Variants in HSP90AA1 observed in about 807,000 individuals in gnomAD.
HSP90AA1 encodes heat shock protein 90 alpha family class A member 1.
Under a neutral mutation model 73.3 loss-of-function variants are expected in HSP90AA1, and 18 were observed. The ratio of observed to expected loss-of-function variants is 0.25; its 90% CI spans 0.17 to 0.36. The LOEUF (loss-of-function observed/expected upper bound fraction) is 0.36. Among genes scored for constraint, HSP90AA1 ranks in the 10% least tolerant of loss-of-function variants. The pLI is 1.00. For synonymous variants in HSP90AA1, 477 were observed against 296.9 expected, an observed-to-expected ratio of 1.61 and a Z score of -6.24; for missense variants, 704 against 874.2, an observed-to-expected ratio of 0.81 and a Z score of 2.45.
At chr14:102,107,899 G>C (rs964959061) in intron 1 of HSP90AA1, among the ~76,000 whole-genome samples, 5 of 151,758 alleles carry the variant, frequency 3.3e-5, no homozygotes, top group African/African-American at 1.2e-4. Flanking sequence ...GTGTATAAAG[G>C]CTTCTGGTTT....
chr14:102,099,461 G>A (rs2049466057), intron 2 of HSP90AA1, among the ~76,000 whole-genome samples: 1 of 152,192 alleles, frequency 6.6e-6, no homozygotes, highest in South Asian at 2.1e-4. Flanking sequence ...GGGAGGCTGA[G>A]GCAGGAGAAT....
At chr14:102,090,492 C>T (rs1484914717), upstream of HSP90AA1, among the ~76,000 whole-genome samples, 1 of 151,372 alleles carries the variant, frequency 6.6e-6, no homozygotes, top group East Asian at 1.9e-4. Flanking sequence ...CTCTGTCGCC[C>T]AGGCTGGAGT....
At chr14:102,099,827 G>C (rs1185398393) in intron 2 of HSP90AA1, among the ~76,000 whole-genome samples, 1 of 152,044 alleles carries the variant, frequency 6.6e-6, no homozygotes, top group Non-Finnish European at 1.5e-5. Context: ...CGTTCTCACA[G>C]GGACCCTGGG....
At chr14:102,083,331 CT>C (rs376513594) in intron 8 of HSP90AA1, 29 bp from the exon 9 acceptor site, 14 of 1,612,444 alleles carry the variant, frequency 8.7e-6, no homozygotes, top group Non-Finnish European at 1.2e-5. Flanking sequence ...ACTTTTAGAC[CT>C]TTTAACAGTT....
intron 8 of HSP90AA1, 76 bp downstream of exon 8, chr14:102,083,470 T>C (rs1310062932): frequency 1.2e-5 from 17 of 1,474,578 alleles, no homozygotes; most frequent in South Asian, 1.1e-4. Context: ...CAGTGCTACC[T>C]GAGTAGAAAA....
chr14:102,085,447 G>T lies in HSP90AA1; in HGVS notation c.530-16C>A. On this transcript the variant is annotated splice_polypyrimidine_tract_variant and intron_variant, in intron 3 of 10. Transcript: ENST00000216281. ...ATAGGTTCACCTGCAAGAGAAGAAA[G>T]AAAAATTGACTTAATACATTCAATT... is the stretch of plus-strand genomic sequence containing the variant. 6.6e-7 allele frequency: 1 copy of T among 1,505,926 alleles called. No individual in the cohort carries two copies. 93.3% of individuals were successfully genotyped at this position (1,505,926 alleles called of 1,614,324 possible).
rs149051840 is a variant in HSP90AA1 at position 102,081,481 on chromosome 14, A to C, written c.*231T>G. 1.4e-5 allele frequency: 8 copies of C among 586,130 alleles called. No homozygotes were observed. Among genetic ancestry groups the C allele is most frequent in the Admixed American group, 6.0e-5 (2 of 33,494 alleles). The allele number at this position is 586,130 out of a possible 1,614,324, so 36.3% of individuals were successfully genotyped here. A position where few individuals can be genotyped will look rare whatever the true frequency, so the allele number is the denominator to read the frequency against. ...TACGTCTTACAGTGCACGTTACCCC[A>C]ATCTGTGAAAATAAACCAACATGAA... On this transcript the variant is annotated 3_prime_UTR_variant, in exon 11 of 11. Coordinates refer to ENST00000216281, the MANE Select transcript of HSP90AA1 (RefSeq NM_005348.4).
At chr14:102,082,738 AG>A in intron 9 of HSP90AA1, 2 of 502,350 alleles carry the variant, frequency 4.0e-6, no homozygotes, top group Non-Finnish European at 7.2e-6. Flanking sequence ...CTCCTGCCTC[AG>A]CCTCCCAAGT....
intron 1 of HSP90AA1, among the ~76,000 whole-genome samples, chr14:102,117,485 C>T (rs2049721761): frequency 6.6e-6 from 1 of 152,118 alleles, no homozygotes; most frequent in African/African-American, 2.4e-5. Flanking sequence ...AGCTACCCTC[C>T]ACGCTAGGAG....
chr14:102,129,596 G>A (rs901118042), intron 1 of HSP90AA1, among the ~76,000 whole-genome samples: 8 of 151,204 alleles, frequency 5.3e-5, no homozygotes, highest in East Asian at 2.0e-4. Flanking sequence ...TCCGCCTCCC[G>A]GGTTCAAGCA....
chr14:102,084,768 G>A lies in HSP90AA1; in HGVS notation c.894C>T (p.Thr298=), dbSNP rs141494680. The A allele has an allele frequency of 8.1e-6, 13 of 1,613,960 alleles. No homozygotes were observed. The highest frequency in any genetic ancestry group is 1.3e-5 in the African/African-American group (1 of 74,892). ...CATTAGTAATATCGTCGGGATTTCTGGTCCAGATGGGCTTTGTTTTGTTGA... is the reference window on the plus strand; with the variant it reads ...CATTAGTAATATCGTCGGGATTTCTAGTCCAGATGGGCTTTGTTTTGTTGA... ...EELNKTKPIW[T]RNPDDITNEE... Residue 298 remains threonine, a synonymous_variant, in exon 5 of 11, where the codon ACC becomes ACT. Coordinates refer to ENST00000216281, the MANE Select transcript of HSP90AA1 (RefSeq NM_005348.4).
chr14:102,139,287 T>C, exon 1 of HSP90AA1: 1 of 1,614,058 alleles, frequency 6.2e-7, no homozygotes, highest in Non-Finnish European at 8.5e-7. Flanking sequence ...TCAGAGGGGC[T>C]TCCTGGGCGG....
At chr14:102,126,824 G>A (rs1488445338) in intron 1 of HSP90AA1, among the ~76,000 whole-genome samples, 2 of 152,116 alleles carry the variant, frequency 1.3e-5, no homozygotes, top group Admixed American at 6.6e-5. Flanking sequence ...CACTGCGCCC[G>A]GCCGACTAGA....
upstream of HSP90AA1, among the ~76,000 whole-genome samples, chr14:102,090,068 G>A: frequency 6.6e-6 from 1 of 152,264 alleles, no homozygotes; most frequent in East Asian, 1.9e-4. Flanking sequence ...AGGCCTGTGA[G>A]GCCCTGCAGG....
chr14:102,121,122 C>A (rs1032988639), intron 1 of HSP90AA1, among the ~76,000 whole-genome samples: 1 of 151,886 alleles, frequency 6.6e-6, no homozygotes, highest in East Asian at 1.9e-4. Flanking sequence ...AGCTTCAACC[C>A]CCTGGGCTTA....
In HSP90AA1 at chr14:102,084,969, GCTTA is replaced by G; in HGVS notation, c.689_692del (p.Val230AlafsTer86). Reference sequence around the variant, plus strand: ...CTTCCTTTTCTTCAGCCTCATCATCGCTTACTTCTTTATCACGTTCCTTCTCCAC... The same window carrying G: ...CTTCCTTTTCTTCAGCCTCATCATCGCTTCTTTATCACGTTCCTTCTCCAC... On this transcript the variant is annotated frameshift_variant, in exon 5 of 11. Coordinates refer to ENST00000216281, the MANE Select transcript of HSP90AA1 (RefSeq NM_005348.4). LOFTEE classifies it high-confidence loss of function. The G allele has an allele frequency of 1.9e-6, 3 of 1,608,980 alleles. No homozygotes were observed. Among genetic ancestry groups the G allele is most frequent in the Non-Finnish European group, 1.7e-6 (2 of 1,176,742 alleles).
intron 1 of HSP90AA1, among the ~76,000 whole-genome samples, chr14:102,133,799 G>A (rs2049940836): frequency 6.6e-6 from 1 of 152,004 alleles, no homozygotes; most frequent in Non-Finnish European, 1.5e-5. Flanking sequence ...AGTTCTTAAA[G>A]AATACACTAT....
intron 2 of HSP90AA1, among the ~76,000 whole-genome samples, chr14:102,100,690 G>T (rs978398125): frequency 2.0e-5 from 3 of 152,234 alleles, no homozygotes; most frequent in Non-Finnish European, 2.9e-5. Context: ...CTCCCAAACT[G>T]CTGGGATTAC....
At chr14:102,094,781 G>A (rs1221332421) in intron 2 of HSP90AA1, among the ~76,000 whole-genome samples, 1 of 152,150 alleles carries the variant, frequency 6.6e-6, no homozygotes. Flanking sequence ...AACGTGGCCT[G>A]GAGATCATAG....
Sources: gnomAD v4.1 joint callset for allele counts (sites outside exome capture counted in the v4.1 genomes callset) on GRCh38, gnomAD v4.1.1 for gene constraint, MANE v1.5 for transcripts, NCBI Gene and HGNC (gene_info 2026-07-23, HGNC 2026-07-21) for gene names.